NATD1: variants seen among roughly 807,000 people sequenced by gnomAD.
NATD1 encodes the protein N-acetyltransferase domain containing 1.
A neutral mutation model predicts 12.0 loss-of-function variants in NATD1; 9 were observed. That is an observed-to-expected ratio of 0.75 (90% CI 0.45 to 1.30). The LOEUF is 1.30. Among genes scored for constraint, NATD1 ranks in the 50% most tolerant of loss-of-function variants. The pLI, the probability that NATD1 is intolerant of heterozygous loss-of-function variation, is 0.00. For synonymous variants in NATD1, 71 were observed against 65.9 expected (o/e 1.08, Z -0.37); for missense variants, 148 against 148.5 (o/e 1.00, Z 0.02).
At chr17:21,251,293 G>GAAAAA (rs923554742) in intron 1 of NATD1, among the ~76,000 whole-genome samples, 18 of 85,522 alleles carry the variant, frequency 2.1e-4, no homozygotes, top group East Asian at 4.5e-4. Context: ...GAAAGAAAAA[G>GAAAAA]AAAAAAAAAA....
Position 21,238,926 on chromosome 17 carries a change from T to G in NATD1, c.*4387A>C, listed in dbSNP as rs1361537850. The G allele has an allele frequency of 6.6e-6, 1 of 152,100 alleles. No homozygotes were observed. Among genetic ancestry groups the G allele is most frequent in the Non-Finnish European group, 1.5e-5 (1 of 68,028 alleles). The allele number at this position is 152,100 out of a possible 1,614,324, so 9.4% of individuals were successfully genotyped here. ...CTTGTAGCCGTAAGACTGATACAAC[T>G]GAAAACATAACCCTAAATTTGATTC... On this transcript the variant is annotated 3_prime_UTR_variant, in exon 3 of 3. Transcript: ENST00000611551.
In NATD1 at chr17:21,240,304, C is replaced by A. The variant is rs1975255764; in HGVS notation, c.*3009G>T. 1.3e-5 allele frequency: 2 copies of A among 152,248 alleles called. No individual in the cohort carries two copies. The highest frequency in any genetic ancestry group is 1.3e-4 in the Admixed American group (2 of 15,280). The allele number at this position is 152,248 out of a possible 1,614,324, so 9.4% of individuals were successfully genotyped here. ...AGCCCCAGTGACACGCAGGGTCTCGCTCTCCACGCTGAAGGCTGTGCTGAG... is the reference window on the plus strand; with the variant it reads ...AGCCCCAGTGACACGCAGGGTCTCGATCTCCACGCTGAAGGCTGTGCTGAG... On this transcript the variant is annotated 3_prime_UTR_variant, in exon 3 of 3. Coordinates refer to ENST00000611551, the MANE Select transcript of NATD1 (RefSeq NM_152914.3).
intron 1 of NATD1, among the ~76,000 whole-genome samples, chr17:21,246,366 T>C (rs982561434): frequency 6.6e-6 from 1 of 151,766 alleles, no homozygotes; most frequent in Non-Finnish European, 1.5e-5. Context: ...ATACAAAAAT[T>C]AGCCAGAAAT....
At chr17:21,252,594 C>A (rs1004950968) in intron 1 of NATD1, among the ~76,000 whole-genome samples, 12 of 151,998 alleles carry the variant, frequency 7.9e-5, no homozygotes, top group African/African-American at 2.7e-4. Context: ...GCCCCTCACT[C>A]CCCCCAGGGG....
rs1056641807 is a variant in NATD1 at position 21,239,649 on chromosome 17, G to C, written c.*3664C>G. 1 of 152,202 alleles carries C rather than the reference G, an allele frequency of 6.6e-6. No individual in the cohort carries two copies. Among genetic ancestry groups the C allele is most frequent in the Non-Finnish European group, 1.5e-5 (1 of 68,068 alleles). The allele number at this position is 152,202 out of a possible 1,614,324, so 9.4% of individuals were successfully genotyped here. On this transcript the variant is annotated 3_prime_UTR_variant, in exon 3 of 3. Coordinates refer to ENST00000611551, the MANE Select transcript of NATD1 (RefSeq NM_152914.3). ...TACTAAAAATACAAAAATTAGCCAG[G>C]CATGGTGGTGGGCACCTGTAATTCC...
chr17:21,243,375 A>G lies in NATD1; in HGVS notation c.280T>C (p.Tyr94His). 6.2e-7 allele frequency: 1 copy of G among 1,613,562 alleles called. No individual in the cohort carries two copies. The change falls in exon 3 of 3, where the codon TAC becomes CAC. Residue 94 changes from tyrosine (Y) to histidine (H), a missense_variant. Coordinates refer to ENST00000611551, the MANE Select transcript of NATD1 (RefSeq NM_152914.3). The part of the protein sequence containing the change: ...EDLKAHLTCW[Y>H]IQKYVKENPL... ...TTCTCCTTGACGTACTTCTGGATGT[A>G]CCAGCAGGTGAGATGGGCCTTCAGG...
chr17:21,246,525 G>GC (rs1378615281), intron 1 of NATD1, among the ~76,000 whole-genome samples: 5 of 108,304 alleles, frequency 4.6e-5, no homozygotes, highest in Non-Finnish European at 9.7e-5. Flanking sequence ...AAAAAAAAAA[G>GC]AAAAAAAAAA....
At chr17:21,248,462 C>T (rs1172652864) in intron 1 of NATD1, among the ~76,000 whole-genome samples, 1 of 152,206 alleles carries the variant, frequency 6.6e-6, no homozygotes, top group African/African-American at 2.4e-5. Context: ...GCCTTGGTGG[C>T]TGCTCCCCTG....
In NATD1 at chr17:21,240,627, C is replaced by G. The variant is rs1307938787; in HGVS notation, c.*2686G>C. On this transcript the variant is annotated 3_prime_UTR_variant, in exon 3 of 3. Coordinates refer to ENST00000611551, the MANE Select transcript of NATD1 (RefSeq NM_152914.3). ...TTTGACCCGGCAAGAAATACAAACC[C>G]ACAGGGTGAGGCGGGCAGAAAAGCA... 1 of 152,668 alleles carries G rather than the reference C, an allele frequency of 6.6e-6. No individual in the cohort carries two copies. The highest frequency in any genetic ancestry group is 2.4e-5 in the African/African-American group (1 of 41,472). 9.5% of individuals were successfully genotyped at this position (152,668 alleles called of 1,614,324 possible).
Position 21,253,386 on chromosome 17 carries a change from G to T in NATD1, c.-122C>A. 1 of 199,226 alleles carries T rather than the reference G, an allele frequency of 5.0e-6. No homozygotes were observed. The highest frequency in any genetic ancestry group is 1.6e-4 in the South Asian group (1 of 6,376). The allele number at this position is 199,226 out of a possible 1,614,324, so 12.3% of individuals were successfully genotyped here. A position where few individuals can be genotyped will look rare whatever the true frequency, so the allele number is the denominator to read the frequency against. On this transcript the variant is annotated 5_prime_UTR_variant, in exon 1 of 3. Transcript: ENST00000611551. ...GCGGTGGGGTAGTTACGGCCTGGGA[G>T]ACCGCAGGCGGCGGCGCTGAAAGTG...
At position 21,244,080 on chromosome 17, in the gene NATD1, T is replaced by C; in HGVS notation, c.225+26A>G. 6.3e-7 allele frequency: 1 copy of C among 1,594,926 alleles called. No homozygotes were observed. Among genetic ancestry groups the C allele is most frequent in the African/African-American group, 1.3e-5 (1 of 74,712 alleles). On this transcript the variant is annotated intron_variant, in intron 2 of 2. Coordinates refer to ENST00000611551, the MANE Select transcript of NATD1 (RefSeq NM_152914.3). This position sits in a 1 kb window ranked among gnomAD's most constrained non-coding sequence, Gnocchi z 5.2. ...GCAGCCCCCATGTCCCCGTCCCCGCTTGGCCCTGCCACCTGCCTGCCCTAC... is the reference window on the plus strand; with the variant it reads ...GCAGCCCCCATGTCCCCGTCCCCGCCTGGCCCTGCCACCTGCCTGCCCTAC...
In NATD1 at chr17:21,244,623, C is replaced by G. The variant is rs1975309705; in HGVS notation, c.107-399G>C. 6.6e-6 allele frequency among the ~76,000 whole-genome samples: 1 copy of G among 152,166 alleles called. No individual in the cohort carries two copies. Among genetic ancestry groups the G allele is most frequent in the African/African-American group, 2.4e-5 (1 of 41,430 alleles). ...GCACTGGACACAGAACAGGGCTCAG[C>G]AAATCTGCAACTAAGGCAGAGCATG... On this transcript the variant is annotated intron_variant, in intron 1 of 2. Transcript: ENST00000611551. The surrounding 1 kb of genome is among the most constrained non-coding windows in gnomAD (Gnocchi z 5.2).
chr17:21,242,261 C>A lies in NATD1; in HGVS notation c.*1052G>T, dbSNP rs1364538009. 6.6e-6 allele frequency: 1 copy of A among 152,314 alleles called. No homozygotes were observed. The highest frequency in any genetic ancestry group is 1.9e-4 in the East Asian group (1 of 5,192). The allele number at this position is 152,314 out of a possible 1,614,324, so 9.4% of individuals were successfully genotyped here. ...ATGCTAGTGTGTCTCCCAGGCTGCA[C>A]CCAGGAAGGCTGGGTTGGGGAGGAG... On this transcript the variant is annotated 3_prime_UTR_variant, in exon 3 of 3. Coordinates refer to ENST00000611551, the MANE Select transcript of NATD1 (RefSeq NM_152914.3).
At chr17:21,249,487 T>C (rs974831745) in intron 1 of NATD1, among the ~76,000 whole-genome samples, 3 of 152,268 alleles carry the variant, frequency 2.0e-5, no homozygotes, top group African/African-American at 4.8e-5. Context: ...CGGCCTCATA[T>C]TGGGGCTGTG....
At position 21,244,757 on chromosome 17, in the gene NATD1, G is replaced by A. The variant is rs1029474043; in HGVS notation, c.107-533C>T. 2.0e-5 allele frequency among the ~76,000 whole-genome samples: 3 copies of A among 152,244 alleles called. No individual in the cohort carries two copies. Among genetic ancestry groups the A allele is most frequent in the African/African-American group, 4.8e-5 (2 of 41,460 alleles). ...CCTGTGGTAGAGTTCATGAGAAACT[G>A]ACGCTGGGCACAGGAGGCAGGAACA... On this transcript the variant is annotated intron_variant, in intron 1 of 2. Coordinates refer to ENST00000611551, the MANE Select transcript of NATD1 (RefSeq NM_152914.3). The surrounding 1 kb of genome is among the most constrained non-coding windows in gnomAD (Gnocchi z 5.2).
In NATD1 at chr17:21,243,436, G is replaced by T; in HGVS notation, c.226-7C>A. The T allele has an allele frequency of 6.2e-7, 1 of 1,609,244 alleles. No individual in the cohort carries two copies. ...CCACGAAGTCCAGGGCGGCCTGGGA[G>T]CCGGGCAGAGAGGAGAGTGGTCAGG... On this transcript the variant is annotated splice_polypyrimidine_tract_variant and splice_region_variant and intron_variant, in intron 2 of 2. Coordinates refer to ENST00000611551, the MANE Select transcript of NATD1 (RefSeq NM_152914.3).
rs1250833379 is a variant in NATD1 at position 21,244,065 on chromosome 17, T to C, written c.225+41A>G. ...CTCGGAGCGAAGGTGGCAGCCCCCA[T>C]GTCCCCGTCCCCGCTTGGCCCTGCC... On this transcript the variant is annotated intron_variant, in intron 2 of 2. Coordinates refer to ENST00000611551, the MANE Select transcript of NATD1 (RefSeq NM_152914.3). This position sits in a 1 kb window ranked among gnomAD's most constrained non-coding sequence, Gnocchi z 5.2. 6.4e-7 allele frequency: 1 copy of C among 1,555,356 alleles called. No homozygotes were observed. The highest frequency in any genetic ancestry group is 8.8e-7 in the Non-Finnish European group (1 of 1,140,136).
At position 21,244,153 on chromosome 17, in the gene NATD1, C is replaced by A; in HGVS notation, c.178G>T (p.Val60Phe). The change falls in exon 2 of 3, where the codon GTC becomes TTC. Residue 60 changes from valine (V) to phenylalanine (F), a missense_variant. By Grantham distance (50) the Val-to-Phe change is conservative. Coordinates refer to ENST00000611551, the MANE Select transcript of NATD1 (RefSeq NM_152914.3). The surrounding 1 kb of genome is among the most constrained non-coding windows in gnomAD (Gnocchi z 5.2). ...CCACGCCCACGGTAGGCATCTGGGA[C>A]CTCGGTGTGCTGCAGGTCCACGATC... ...KRIVDLQHTE[V>F]PDAYRGRGIA... 1 of 1,613,212 alleles carries A rather than the reference C, an allele frequency of 6.2e-7. No homozygotes were observed. The highest frequency in any genetic ancestry group is 1.1e-5 in the South Asian group (1 of 91,062).
intron 1 of NATD1, among the ~76,000 whole-genome samples, chr17:21,252,292 A>C (rs1975383814): frequency 6.6e-6 from 1 of 151,874 alleles, no homozygotes; most frequent in African/African-American, 2.4e-5. Context: ...CCTGGGCGAC[A>C]GAGTGAGACT....
Sources: allele counts gnomAD v4.1 joint callset (sites outside exome capture counted in the v4.1 genomes callset), GRCh38; gene constraint gnomAD v4.1.1; non-coding constraint Gnocchi (gnomAD v3.1); transcripts MANE v1.5; gene names NCBI Gene and HGNC (gene_info 2026-07-23, HGNC 2026-07-21).